The following TMEM131 variants were observed in gnomAD, a reference collection of about 807,000 sequenced individuals.
The protein encoded by TMEM131 is transmembrane protein 131.
TMEM131 carries 66 observed loss-of-function variants against 211.6 expected under a neutral mutation model. That is an observed-to-expected ratio of 0.31 (90% CI 0.26 to 0.38). The LOEUF is 0.38. TMEM131 is among the 10% of genes least tolerant of loss of function. The pLI, the probability that TMEM131 is intolerant of heterozygous loss-of-function variation, is 1.00. For synonymous variants in TMEM131, 844 were observed against 841.3 expected (o/e 1.00, Z -0.06); for missense variants, 2,036 against 2,299.3 (o/e 0.89, Z 2.34).
rs147220699 is a variant in TMEM131 at position 97,879,237 on chromosome 2, G to A, written c.359+8815C>T. Among the ~76,000 whole-genome samples, 22 of 152,176 alleles carry A rather than the reference G, an allele frequency of 1.4e-4. No individual in the cohort carries two copies. The East Asian group carries it at 3.1e-3, about 21-fold the overall frequency. On this transcript the variant is annotated intron_variant, in intron 4 of 40. Transcript: ENST00000186436. Reference sequence around the variant, plus strand: ...CCCACTGCTGTAGGGAAAGGATACCGGCAGTGAGAGAGAATAAGCCAATAC... The same window carrying A: ...CCCACTGCTGTAGGGAAAGGATACCAGCAGTGAGAGAGAATAAGCCAATAC...
At chr2:97,857,490 C>G (rs989368481) in intron 5 of TMEM131, among the ~76,000 whole-genome samples, 1 of 152,144 alleles carries the variant, frequency 6.6e-6, no homozygotes, top group African/African-American at 2.4e-5. Context: ...TCAGAAACAA[C>G]AAAATATTGC....
chr2:97,758,014 C>T (rs1306120977), intron 40 of TMEM131, among the ~76,000 whole-genome samples: 1 of 152,034 alleles, frequency 6.6e-6, no homozygotes, highest in Non-Finnish European at 1.5e-5. Context: ...CGCCTCTAGT[C>T]CCAGCTACTC....
At chr2:97,892,648 C>T (rs546032341) in intron 3 of TMEM131, among the ~76,000 whole-genome samples, 1 of 152,320 alleles carries the variant, frequency 6.6e-6, no homozygotes, top group East Asian at 1.9e-4. Context: ...TAGGCGTGAG[C>T]CACTGTGCCT....
At chr2:97,831,027 TTAAGAA>T (rs1304357318) in intron 11 of TMEM131, among the ~76,000 whole-genome samples, 1 of 152,204 alleles carries the variant, frequency 6.6e-6, no homozygotes, top group African/African-American at 2.4e-5. Context: ...AGGGAAAACC[TTAAGAA>T]GAGCTCTGAA....
At chr2:97,912,702 C>T (rs1009949139) in intron 2 of TMEM131, among the ~76,000 whole-genome samples, 4 of 152,148 alleles carry the variant, frequency 2.6e-5, no homozygotes, top group Admixed American at 2.6e-4. Context: ...ACCTCCCCAT[C>T]CCCAAATTCT....
intron 22 of TMEM131, 82 bp downstream of exon 22, chr2:97,805,006 A>G (rs1367232265): frequency 1.0e-6 from 1 of 980,140 alleles, no homozygotes; most frequent in Non-Finnish European, 1.4e-6. Context: ...ATAATCTAAC[A>G]TAAGAATATA....
intron 2 of TMEM131, among the ~76,000 whole-genome samples, chr2:97,919,490 A>C (rs1374152163): frequency 6.6e-6 from 1 of 152,216 alleles, no homozygotes; most frequent in African/African-American, 2.4e-5. Context: ...TTCAGTCTAT[A>C]AGTCAGCTGT....
chr2:97,943,049 G>GAAAGA (rs1677855100), intron 1 of TMEM131, among the ~76,000 whole-genome samples: 1 of 53,474 alleles, frequency 1.9e-5, no homozygotes, highest in African/African-American at 8.5e-5. Context: ...AAGAAAGAAA[G>GAAAGA]AAAGAAAGAA....
At chr2:97,937,873 T>C (rs922072528) in intron 1 of TMEM131, among the ~76,000 whole-genome samples, 2 of 152,198 alleles carry the variant, frequency 1.3e-5, no homozygotes, top group Non-Finnish European at 2.9e-5. Flanking sequence ...TGGGGGCCAA[T>C]ATTCAACATT....
chr2:97,850,420 C>A (rs1673571049), intron 5 of TMEM131, among the ~76,000 whole-genome samples: 1 of 152,022 alleles, frequency 6.6e-6, no homozygotes, highest in Non-Finnish European at 1.5e-5. Context: ...TGAATACATA[C>A]CAGTGGTCTA....
chr2:97,771,608 C>T (rs1189411482), intron 33 of TMEM131, among the ~76,000 whole-genome samples: 1 of 152,208 alleles, frequency 6.6e-6, no homozygotes, highest in Non-Finnish European at 1.5e-5. Context: ...ATACAATGAA[C>T]CAGGAAAGGT....
intron 4 of TMEM131, among the ~76,000 whole-genome samples, chr2:97,880,578 G>C (rs1198029606): frequency 6.6e-6 from 1 of 152,154 alleles, no homozygotes; most frequent in Non-Finnish European, 1.5e-5. Context: ...GTGAGGGAAA[G>C]GGAGGAATCC....
intron 1 of TMEM131, among the ~76,000 whole-genome samples, chr2:97,965,496 G>A (rs965689169): frequency 6.6e-6 from 1 of 152,086 alleles, no homozygotes; most frequent in Non-Finnish European, 1.5e-5. Context: ...TGTGGGGCTG[G>A]TTTCTCCAAC....
At chr2:97,778,744 T>C (rs1012606082) in intron 31 of TMEM131, among the ~76,000 whole-genome samples, 1 of 152,178 alleles carries the variant, frequency 6.6e-6, no homozygotes, top group Non-Finnish European at 1.5e-5. Flanking sequence ...CTACATGACC[T>C]TCCCGTTCCA....
chr2:97,827,400 A>C lies in TMEM131; in HGVS notation c.1074+5965T>G, dbSNP rs375247370. 1.4e-4 allele frequency: 142 copies of C among 1,021,236 alleles called. No individual in the cohort carries two copies. In the African/African-American group the frequency reaches 1.9e-3, roughly 13 times the overall value. The allele number at this position is 1,021,236 out of a possible 1,614,324, so 63.3% of individuals were successfully genotyped here. A position where few individuals can be genotyped will look rare whatever the true frequency, so the allele number is the denominator to read the frequency against. ...ATAAATCTTCAGACAAAAACGTGCAAACAAAAGGGAAAAGGGGAGCAAAGG... is the reference window on the plus strand; with the variant it reads ...ATAAATCTTCAGACAAAAACGTGCACACAAAAGGGAAAAGGGGAGCAAAGG... On this transcript the variant is annotated intron_variant, in intron 11 of 40. Coordinates refer to ENST00000186436, the MANE Select transcript of TMEM131 (RefSeq NM_015348.2).
At chr2:97,913,607 T>C (rs531847130) in intron 2 of TMEM131, among the ~76,000 whole-genome samples, 9 of 152,352 alleles carry the variant, frequency 5.9e-5, no homozygotes, top group African/African-American at 2.2e-4. Flanking sequence ...AAGTTGGCTA[T>C]ATTATTGCTA....
intron 1 of TMEM131, among the ~76,000 whole-genome samples, chr2:97,985,457 T>C (rs1196950216): frequency 6.6e-6 from 1 of 152,068 alleles, no homozygotes; most frequent in Non-Finnish European, 1.5e-5. Flanking sequence ...AACGTTTTAA[T>C]GTAATTGTAA....
At position 97,808,124 on chromosome 2, in the gene TMEM131, C is replaced by T. The variant is rs1047342793; in HGVS notation, c.2055+1564G>A. Among the ~76,000 whole-genome samples the T allele has an allele frequency of 7.9e-5, 12 of 152,070 alleles. 1 individual carries two copies. Among genetic ancestry groups the T allele is most frequent in the African/African-American group, 2.9e-4 (12 of 41,382 alleles). On this transcript the variant is annotated intron_variant, in intron 19 of 40. Transcript: ENST00000186436. ...TTTATGTTTCATATACATTTATATG[C>T]ATAGCCTGAAGGTAATTTTATACAA...
chr2:97,869,207 T>C (rs1311753725), intron 4 of TMEM131, among the ~76,000 whole-genome samples: 1 of 152,228 alleles, frequency 6.6e-6, no homozygotes, highest in Non-Finnish European at 1.5e-5. Flanking sequence ...TGTGTAACTT[T>C]AGTACAATCA....
Sources: gnomAD v4.1 joint callset for allele counts (sites outside exome capture counted in the v4.1 genomes callset) on GRCh38, gnomAD v4.1.1 for gene constraint, MANE v1.5 for transcripts, NCBI Gene and HGNC (gene_info 2026-07-23, HGNC 2026-07-21) for gene names.